Variants in RASA1 observed in about 807,000 individuals in gnomAD.
RASA1 encodes the protein ras GTPase-activating protein 1.
In RASA1, 25 loss-of-function variants were observed where a neutral mutation model predicts 132.2. The observed-to-expected ratio is 0.19, with a 90% CI of 0.14 to 0.26. The LOEUF is 0.26. RASA1 is among the 10% of genes least tolerant of loss of function. The pLI, the probability that RASA1 is intolerant of heterozygous loss-of-function variation, is 1.00. For missense variants in RASA1, 964 were observed against 1,299.2 expected (o/e 0.74, Z 3.97); for synonymous variants, 477 against 449.9 (o/e 1.06, Z -0.76).
intron 23 of RASA1, 75 bp from the exon 24 acceptor site, chr5:87,389,318 C>T (rs140933281): frequency 4.1e-5 from 64 of 1,572,748 alleles, no homozygotes; most frequent in African/African-American, 1.1e-4. Context: ...GCAACAAGAG[C>T]GAAACTCTGT....
At position 87,387,404 on chromosome 5, in the gene RASA1, AAATT is replaced by A. The variant is rs574313538; in HGVS notation, c.2925+502_2925+505del. Among the ~76,000 whole-genome samples, 494 of 152,304 alleles carry A rather than the reference AAATT, an allele frequency of 3.2e-3. 2 individuals are homozygous for A. The highest frequency in any genetic ancestry group is 5.4e-3 in the Admixed American group (83 of 15,290). ...CTCATTTGGGCCTTGTTAATAAAAT[AAATT>A]GTGATTACAAAATTACGAATGAGGG... On this transcript the variant is annotated intron_variant, in intron 23 of 24. Coordinates refer to ENST00000274376, the MANE Select transcript of RASA1 (RefSeq NM_002890.3).
At chr5:87,328,900 T>C (rs1757418125) in intron 1 of RASA1, among the ~76,000 whole-genome samples, 1 of 152,206 alleles carries the variant, frequency 6.6e-6, no homozygotes, top group Non-Finnish European at 1.5e-5. Context: ...GGATTTATTG[T>C]GATTTATTTA....
At chr5:87,277,047 G>A (rs928335258) in intron 1 of RASA1, among the ~76,000 whole-genome samples, 7 of 152,168 alleles carry the variant, frequency 4.6e-5, no homozygotes, top group Admixed American at 4.6e-4. Context: ...CAAAGGCTCA[G>A]TATTTGCTAA....
At chr5:87,272,325 C>T (rs944807300) in intron 1 of RASA1, among the ~76,000 whole-genome samples, 2 of 152,078 alleles carry the variant, frequency 1.3e-5, no homozygotes, top group African/African-American at 4.8e-5. Context: ...AAATTTGCCA[C>T]TGAGAAGTAC....
intron 1 of RASA1, among the ~76,000 whole-genome samples, chr5:87,271,404 G>A (rs1197141127): frequency 6.9e-6 from 1 of 144,832 alleles, no homozygotes; most frequent in Non-Finnish European, 1.5e-5. Flanking sequence ...AACTAAATTA[G>A]GTATATTTAG....
At chr5:87,387,312 GTCT>G (rs1561331536) in intron 23 of RASA1, among the ~76,000 whole-genome samples, 2 of 152,088 alleles carry the variant, frequency 1.3e-5, no homozygotes, top group East Asian at 1.9e-4. Context: ...AGACTGAAAA[GTCT>G]TCTTTTCTAG....
rs1196819476 is a variant in RASA1 at position 87,390,919 on chromosome 5, T to G, written c.*36T>G. ...CCCAGTGTTCTGCATGGATTCAGCA[T>G]GTCCAACATGGTAATTCACTTCAGT... On this transcript the variant is annotated 3_prime_UTR_variant, in exon 25 of 25. Coordinates refer to ENST00000274376, the MANE Select transcript of RASA1 (RefSeq NM_002890.3). The G allele has an allele frequency of 8.4e-6, 13 of 1,552,618 alleles. No individual in the cohort carries two copies. The highest frequency in any genetic ancestry group is 1.2e-5 in the Non-Finnish European group (13 of 1,124,292).
intron 1 of RASA1, among the ~76,000 whole-genome samples, chr5:87,282,546 ACCT>A (rs1754363269): frequency 1.3e-5 from 2 of 152,186 alleles, no homozygotes; most frequent in South Asian, 4.1e-4. Flanking sequence ...CTGTGGGTTT[ACCT>A]GTTTGAGATT....
chr5:87,287,774 C>CACAT (rs1561257512), intron 1 of RASA1, among the ~76,000 whole-genome samples: 4 of 138,824 alleles, frequency 2.9e-5, no homozygotes, highest in African/African-American at 1.1e-4. Context: ...CATAGATATA[C>CACAT]CATATATGTA....
intron 6 of RASA1, among the ~76,000 whole-genome samples, chr5:87,342,730 T>C (rs1457547823): frequency 6.6e-6 from 1 of 152,150 alleles, no homozygotes; most frequent in East Asian, 1.9e-4. Flanking sequence ...GTTTGCCTAT[T>C]GTAAGGTAAT....
chr5:87,374,459 A>ATTTT (rs770426797), intron 14 of RASA1, 139 bp downstream of exon 14: 9 of 167,794 alleles, frequency 5.4e-5, no homozygotes, highest in South Asian at 2.0e-4. Context: ...ATATATATAT[A>ATTTT]TTTTTTTTTT....
chr5:87,299,659 G>C (rs1755275641), intron 1 of RASA1: 1 of 152,104 alleles, frequency 6.6e-6, no homozygotes, highest in African/African-American at 2.4e-5. Flanking sequence ...GTGTGTGTGT[G>C]TGTGTGTGTG....
intron 1 of RASA1, among the ~76,000 whole-genome samples, chr5:87,290,872 G>A (rs1012101107): frequency 2.0e-5 from 3 of 152,188 alleles, no homozygotes; most frequent in African/African-American, 7.2e-5. Flanking sequence ...TCAGCTAGTG[G>A]TGGTTTGTGG....
At chr5:87,390,715 TAC>T (rs1762451085) in intron 24 of RASA1, 83 bp from the exon 25 acceptor site, 4 of 1,094,228 alleles carry the variant, frequency 3.7e-6, no homozygotes, top group South Asian at 1.3e-5. Flanking sequence ...TTTGCTTTGA[TAC>T]AGTTTTTTTC....
At chr5:87,298,252 A>G (rs574888055) in intron 1 of RASA1, among the ~76,000 whole-genome samples, 2 of 151,946 alleles carry the variant, frequency 1.3e-5, no homozygotes, top group Non-Finnish European at 2.9e-5. Context: ...TACTAAAAAT[A>G]CAAAAAATTA....
At chr5:87,316,300 G>C (rs1756331826) in intron 1 of RASA1, among the ~76,000 whole-genome samples, 4 of 152,038 alleles carry the variant, frequency 2.6e-5, no homozygotes, top group Admixed American at 2.0e-4. Context: ...TCTTATTGAG[G>C]GCCAGTTGGT....
intron 23 of RASA1, among the ~76,000 whole-genome samples, chr5:87,388,234 A>C (rs1762203565): frequency 6.6e-6 from 1 of 152,216 alleles, no homozygotes; most frequent in Non-Finnish European, 1.5e-5. Flanking sequence ...CACTGAATGT[A>C]TTCTGAGTAA....
chr5:87,312,296 A>C (rs1755981643), intron 1 of RASA1, among the ~76,000 whole-genome samples: 1 of 152,236 alleles, frequency 6.6e-6, no homozygotes, highest in East Asian at 1.9e-4. Context: ...ACAGATAAGG[A>C]AATCTGTCTT....
chr5:87,285,815 C>T (rs927345416), intron 1 of RASA1, among the ~76,000 whole-genome samples: 1 of 151,586 alleles, frequency 6.6e-6, no homozygotes, highest in African/African-American at 2.4e-5. Flanking sequence ...GATGGGATTT[C>T]GCCATGTTGG....
Sources: allele counts gnomAD v4.1 joint callset (sites outside exome capture counted in the v4.1 genomes callset), GRCh38; gene constraint gnomAD v4.1.1; transcripts MANE v1.5; gene names NCBI Gene and HGNC (gene_info 2026-07-23, HGNC 2026-07-21).